PDE3B: variants seen among roughly 807,000 people sequenced by gnomAD.
The protein encoded by PDE3B is phosphodiesterase 3B.
A neutral mutation model predicts 116.8 loss-of-function variants in PDE3B; 66 were observed. The observed-to-expected ratio is 0.56, with a 90% CI of 0.46 to 0.69. The LOEUF (loss-of-function observed/expected upper bound fraction) is 0.69, where lower values mean the gene tolerates loss of function less well. PDE3B is among the 30% of genes least tolerant of loss of function. The pLI is 0.00. For missense variants in PDE3B, 1,384 were observed against 1,368.1 expected (o/e 1.01, Z -0.18); for synonymous variants, 595 against 533.6 (o/e 1.12, Z -1.59).
At chr11:14,662,207 T>A (rs932697674) in intron 1 of PDE3B, among the ~76,000 whole-genome samples, 6 of 152,112 alleles carry the variant, frequency 3.9e-5, no homozygotes, top group Admixed American at 2.0e-4. Context: ...GGGTCTGGAG[T>A]GCACCTCTAG....
the PDE3B span, among the ~76,000 whole-genome samples, chr11:14,896,576 G>A: frequency 6.6e-6 from 1 of 152,152 alleles, no homozygotes; most frequent in Non-Finnish European, 1.5e-5. Flanking sequence ...AGTTCTACAA[G>A]TGTGCATAAC....
At chr11:14,797,358 T>C (rs1242443011) in intron 4 of PDE3B, among the ~76,000 whole-genome samples, 3 of 152,218 alleles carry the variant, frequency 2.0e-5, no homozygotes, top group Non-Finnish European at 2.9e-5. Flanking sequence ...TGAAGTCAGG[T>C]AGCGTGATGC....
the PDE3B span, chr11:14,880,291 T>C: frequency 2.5e-6 from 4 of 1,613,272 alleles, no homozygotes; most frequent in Non-Finnish European, 3.4e-6. Flanking sequence ...ATCCATCTCA[T>C]CTAAATAAGC....
chr11:14,856,378 A>G (rs1232363854), intron 12 of PDE3B, among the ~76,000 whole-genome samples: 1 of 152,214 alleles, frequency 6.6e-6, no homozygotes, highest in Admixed American at 6.5e-5. Context: ...ACAGTGTAAA[A>G]GAATCCTGAG....
intron 2 of PDE3B, among the ~76,000 whole-genome samples, chr11:14,782,562 GA>G (rs1858043630): frequency 6.6e-6 from 1 of 152,160 alleles, no homozygotes; most frequent in African/African-American, 2.4e-5. Context: ...GCCATATGTA[GA>G]AAGCTTTAAC....
chr11:14,663,610 G>A (rs1469264155), intron 1 of PDE3B, among the ~76,000 whole-genome samples: 4 of 152,060 alleles, frequency 2.6e-5, no homozygotes, highest in Admixed American at 6.6e-5. Context: ...AAAAGGCAGG[G>A]GTTGCAATCC....
chr11:14,810,970 T>C (rs1859108497), intron 5 of PDE3B, among the ~76,000 whole-genome samples: 1 of 151,510 alleles, frequency 6.6e-6, no homozygotes, highest in East Asian at 1.9e-4. Flanking sequence ...TGTCTTCTTT[T>C]GAGAAGTGTC....
the PDE3B span, chr11:14,892,306 C>T: frequency 8.5e-6 from 10 of 1,181,902 alleles, no homozygotes; most frequent in South Asian, 1.3e-4. Flanking sequence ...CAGGTCCCGC[C>T]CTAGCTCCGT....
chr11:14,779,399 T>G (rs1857897720), intron 2 of PDE3B, among the ~76,000 whole-genome samples: 1 of 151,790 alleles, frequency 6.6e-6, no homozygotes, highest in Non-Finnish European at 1.5e-5. Flanking sequence ...AAGGAAAAAA[T>G]GTTAAGGGCA....
intron 12 of PDE3B, among the ~76,000 whole-genome samples, chr11:14,850,446 A>T (rs1847719877): frequency 6.6e-6 from 1 of 152,074 alleles, no homozygotes; most frequent in African/African-American, 2.4e-5. Context: ...TATGTAACTA[A>T]CCTGCACATT....
At chr11:14,827,277 C>T (rs998585255) in intron 7 of PDE3B, among the ~76,000 whole-genome samples, 1 of 152,138 alleles carries the variant, frequency 6.6e-6, no homozygotes, top group African/African-American at 2.4e-5. Context: ...GATGCCCTCT[C>T]TCACCACTCC....
At chr11:14,889,281 C>A in the PDE3B span, among the ~76,000 whole-genome samples, 555 of 151,120 alleles carry the variant, frequency 3.7e-3, 2 homozygotes, top group African/African-American at 0.013. Flanking sequence ...CAGGAGGGAA[C>A]AATATTCTTC....
At chr11:14,860,159 C>CT (rs1279433759) in intron 13 of PDE3B, among the ~76,000 whole-genome samples, 1 of 152,096 alleles carries the variant, frequency 6.6e-6, no homozygotes, top group Non-Finnish European at 1.5e-5. Context: ...GTCTTATTCA[C>CT]TTTAATTTTT....
At chr11:14,665,316 G>GA in intron 1 of PDE3B, among the ~76,000 whole-genome samples, 1 of 152,276 alleles carries the variant, frequency 6.6e-6, no homozygotes, top group South Asian at 2.1e-4. Flanking sequence ...ATATCATACT[G>GA]AATGGGCAAA....
In PDE3B at chr11:14,871,308, C is replaced by A. The variant is rs1433161558; in HGVS notation, c.*1648C>A. The stretch of plus-strand genomic sequence containing the variant: ...TTGCTGCCACTTTTGTTACCATTGT[C>A]ACACACTATGTGTAAACCAGTCCCA... On this transcript the variant is annotated 3_prime_UTR_variant, in exon 16 of 16. Coordinates refer to ENST00000282096, the MANE Select transcript of PDE3B (RefSeq NM_000922.4). The A allele has an allele frequency of 6.6e-6, 1 of 152,126 alleles. No homozygotes were observed. The highest frequency in any genetic ancestry group is 1.9e-4 in the East Asian group (1 of 5,202). The allele number at this position is 152,126 out of a possible 1,614,324, so 9.4% of individuals were successfully genotyped here. A position where few individuals can be genotyped will look rare whatever the true frequency, so the allele number is the denominator to read the frequency against.
At chr11:14,692,839 T>A (rs914324939) in intron 1 of PDE3B, among the ~76,000 whole-genome samples, 5 of 152,136 alleles carry the variant, frequency 3.3e-5, no homozygotes, top group Admixed American at 1.3e-4. Context: ...AAAGCAATAG[T>A]TGCACATTTC....
intron 1 of PDE3B, among the ~76,000 whole-genome samples, chr11:14,752,828 C>A (rs1857089101): frequency 6.6e-6 from 1 of 152,006 alleles, no homozygotes; most frequent in South Asian, 2.1e-4. Context: ...CATTCTTAAT[C>A]TTTTTTCTTT....
chr11:14,808,422 C>T (rs2133939474), intron 5 of PDE3B, among the ~76,000 whole-genome samples: 1 of 152,220 alleles, frequency 6.6e-6, no homozygotes, highest in South Asian at 2.1e-4. Flanking sequence ...GACATGTACC[C>T]AAGGAAAACG....
intron 12 of PDE3B, among the ~76,000 whole-genome samples, chr11:14,851,894 A>T (rs1203223484): frequency 6.6e-6 from 1 of 152,222 alleles, no homozygotes; most frequent in Non-Finnish European, 1.5e-5. Flanking sequence ...GTATGACCTC[A>T]AATAAAGGTT....
Sources: gnomAD v4.1 joint callset for allele counts (sites outside exome capture counted in the v4.1 genomes callset) on GRCh38, gnomAD v4.1.1 for gene constraint, MANE v1.5 for transcripts, NCBI Gene and HGNC (gene_info 2026-07-23, HGNC 2026-07-21) for gene names.